The following APPBP2 variants were observed in gnomAD, a reference collection of about 807,000 sequenced individuals.
APPBP2 encodes the protein amyloid protein-binding protein 2.
APPBP2 carries 15 observed loss-of-function variants against 76.0 expected under a neutral mutation model. The ratio of observed to expected loss-of-function variants is 0.20; its 90% CI spans 0.13 to 0.30. The LOEUF (loss-of-function observed/expected upper bound fraction) is 0.30. APPBP2 is among the 10% of genes least tolerant of loss of function. The pLI is 1.00. For synonymous variants in APPBP2, 222 were observed against 242.2 expected (o/e 0.92, Z 0.77); for missense variants, 401 against 687.2 (o/e 0.58, Z 4.66).
rs2090336915 is a variant in APPBP2, at chr17:60,445,290, C to G, written c.*2291G>C. ...ACTGGCTGCCAATTGACATTATCAC[C>G]CTGTGATCCTAGGCTTCTACATACC... On this transcript the variant is annotated 3_prime_UTR_variant, in exon 13 of 13. Transcript: ENST00000083182. 1 of 152,388 alleles carries G rather than the reference C, an allele frequency of 6.6e-6. No individual in the cohort carries two copies. The highest frequency in any genetic ancestry group is 2.4e-5 in the African/African-American group (1 of 41,356). 9.4% of individuals were successfully genotyped at this position (152,388 alleles called of 1,614,324 possible). A position where few individuals can be genotyped will look rare whatever the true frequency, so the allele number is the denominator to read the frequency against.
intron 5 of APPBP2, 125 bp from the exon 6 acceptor site, chr17:60,464,235 A>G (rs1483388595): frequency 4.4e-6 from 3 of 675,838 alleles, no homozygotes; most frequent in Non-Finnish European, 7.7e-6. Flanking sequence ...ATTTACAGTT[A>G]GAATTTTCTG....
At chr17:60,485,309 T>C (rs967645939) in intron 3 of APPBP2, among the ~76,000 whole-genome samples, 5 of 152,192 alleles carry the variant, frequency 3.3e-5, no homozygotes, top group East Asian at 3.8e-4. Flanking sequence ...CTGGTAGAAT[T>C]TGGCTGTGAA....
At chr17:60,462,808 G>A (rs1256776600) in intron 6 of APPBP2, 1 of 151,992 alleles carries the variant, frequency 6.6e-6, no homozygotes, top group African/African-American at 2.4e-5. Flanking sequence ...AAATTAGTCG[G>A]GTGAGGTGGC....
At chr17:60,493,675 T>C (rs2090750207) in intron 3 of APPBP2, among the ~76,000 whole-genome samples, 1 of 149,636 alleles carries the variant, frequency 6.7e-6, no homozygotes, top group Admixed American at 6.7e-5. Context: ...AGAGTCTCCC[T>C]GTTACCCAGG....
chr17:60,504,664 T>C (rs945161181), intron 1 of APPBP2, among the ~76,000 whole-genome samples: 1 of 152,086 alleles, frequency 6.6e-6, no homozygotes, highest in Admixed American at 6.6e-5. Flanking sequence ...AATATAAAAA[T>C]CAGCCCGGCA....
intron 3 of APPBP2, among the ~76,000 whole-genome samples, chr17:60,481,214 T>C (rs573106725): frequency 1.1e-4 from 17 of 152,324 alleles, no homozygotes; most frequent in Admixed American, 9.2e-4. Flanking sequence ...ATAGGTATGG[T>C]AGCCAATTCT....
At chr17:60,469,486 G>A (rs1023949369) in intron 4 of APPBP2, among the ~76,000 whole-genome samples, 2 of 151,910 alleles carry the variant, frequency 1.3e-5, no homozygotes, top group Admixed American at 6.6e-5. Flanking sequence ...CAATTCAGTG[G>A]CATTAATTAT....
rs529808809 is a variant in APPBP2 at position 60,454,398 on chromosome 17, G to T, written c.1242C>A (p.Leu414=). Residue 414 remains leucine, a synonymous_variant, in exon 11 of 13, where the codon CTC becomes CTA. Coordinates refer to ENST00000083182, the MANE Select transcript of APPBP2 (RefSeq NM_006380.5). ...QEAHDLHLSS[L]QLAKKAFGEF... Reference sequence around the variant, plus strand: ...CCCCAAAAGCTTTTTTAGCTAGTTGGAGTGAAGACAGGTGCAAATCATGAG... The same window carrying T: ...CCCCAAAAGCTTTTTTAGCTAGTTGTAGTGAAGACAGGTGCAAATCATGAG... 2 of 1,612,854 alleles carry T rather than the reference G, an allele frequency of 1.2e-6. No homozygotes were observed. Among genetic ancestry groups the T allele is most frequent in the South Asian group, 2.2e-5 (2 of 90,916 alleles).
chr17:60,525,294 A>G (rs2091042909), intron 1 of APPBP2, among the ~76,000 whole-genome samples: 1 of 152,230 alleles, frequency 6.6e-6, no homozygotes, highest in Non-Finnish European at 1.5e-5. Context: ...CTCCTTCCCA[A>G]TTGGGAAAAG....
intron 1 of APPBP2, among the ~76,000 whole-genome samples, chr17:60,511,314 C>T (rs796736349): frequency 6.6e-6 from 1 of 152,002 alleles, no homozygotes; most frequent in Non-Finnish European, 1.5e-5. Context: ...CTGCCGGGCG[C>T]GGTGGCTCAC....
chr17:60,512,147 G>A (rs1218837108), intron 1 of APPBP2, among the ~76,000 whole-genome samples: 5 of 150,930 alleles, frequency 3.3e-5, no homozygotes, highest in African/African-American at 1.2e-4. Context: ...CTGTCACCCA[G>A]GCTGGAGTAC....
intron 1 of APPBP2, among the ~76,000 whole-genome samples, chr17:60,524,437 T>C (rs1171864832): frequency 6.6e-6 from 1 of 151,990 alleles, no homozygotes; most frequent in African/African-American, 2.4e-5. Context: ...AGTAAATCAA[T>C]GTATCAAAGG....
intron 1 of APPBP2, among the ~76,000 whole-genome samples, chr17:60,507,817 T>C (rs2090880616): frequency 6.6e-6 from 1 of 152,060 alleles, no homozygotes; most frequent in African/African-American, 2.4e-5. Context: ...TGAATCAGGG[T>C]CTCACTGTCA....
chr17:60,483,216 T>A (rs2090645179), intron 3 of APPBP2, among the ~76,000 whole-genome samples: 1 of 152,248 alleles, frequency 6.6e-6, no homozygotes, highest in Non-Finnish European at 1.5e-5. Context: ...GTTGGCTGCA[T>A]AAATGTCTTC....
rs1445836785 is a variant in APPBP2 at position 60,445,913 on chromosome 17, C to CT, written c.*1667dup. The CT allele has an allele frequency of 2.6e-5, 4 of 152,108 alleles. No individual in the cohort carries two copies. Among genetic ancestry groups the CT allele is most frequent in the African/African-American group, 7.2e-5 (3 of 41,398 alleles). 9.4% of individuals were successfully genotyped at this position (152,108 alleles called of 1,614,324 possible). A position where few individuals can be genotyped will look rare whatever the true frequency, so the allele number is the denominator to read the frequency against. On this transcript the variant is annotated 3_prime_UTR_variant, in exon 13 of 13. Coordinates refer to ENST00000083182, the MANE Select transcript of APPBP2 (RefSeq NM_006380.5). ...GGAACTTAAATGCAATGGCTCAAAA[C>CT]TAATAGGACTGCAAATAACAGCTTC...
intron 1 of APPBP2, among the ~76,000 whole-genome samples, chr17:60,512,805 G>A (rs2090925750): frequency 8.2e-6 from 1 of 122,312 alleles, no homozygotes; most frequent in African/African-American, 3.2e-5. Flanking sequence ...TTACACTCCA[G>A]CCTAGGCAAC....
intron 3 of APPBP2, among the ~76,000 whole-genome samples, chr17:60,491,670 C>T (rs1024877635): frequency 3.4e-5 from 5 of 148,384 alleles, no homozygotes; most frequent in Admixed American, 3.3e-4. Context: ...GTCTCAAACT[C>T]CTGATATCAA....
In APPBP2 at chr17:60,446,437, A is replaced by T. The variant is rs1356506035; in HGVS notation, c.*1144T>A. The T allele has an allele frequency of 2.6e-5, 4 of 152,320 alleles. No homozygotes were observed. In the East Asian group the frequency reaches 7.7e-4, roughly 29 times the overall value. 9.4% of individuals were successfully genotyped at this position (152,320 alleles called of 1,614,324 possible). On this transcript the variant is annotated 3_prime_UTR_variant, in exon 13 of 13. Coordinates refer to ENST00000083182, the MANE Select transcript of APPBP2 (RefSeq NM_006380.5). ...ATTTCAAATGAAATGACCTAGTTGT[A>T]TTACTATTTACCATAAAAATGGAGG...
At chr17:60,504,811 C>A (rs1210208490) in intron 1 of APPBP2, among the ~76,000 whole-genome samples, 3 of 152,082 alleles carry the variant, frequency 2.0e-5, no homozygotes, top group African/African-American at 7.2e-5. Context: ...CAAAAACAAC[C>A]AACCAACCAA....
Sources: gnomAD v4.1 joint callset for allele counts (sites outside exome capture counted in the v4.1 genomes callset) on GRCh38, gnomAD v4.1.1 for gene constraint, MANE v1.5 for transcripts, NCBI Gene and HGNC (gene_info 2026-07-23, HGNC 2026-07-21) for gene names.